Variants in CELSR1 observed in about 807,000 individuals in gnomAD.
CELSR1 encodes adhesion G protein-coupled receptor C1.
A neutral mutation model predicts 249.1 loss-of-function variants in CELSR1; 110 were observed. The observed-to-expected ratio is 0.44, with a 90% CI of 0.38 to 0.52. The LOEUF (loss-of-function observed/expected upper bound fraction) is 0.52. CELSR1 is among the 20% of genes least tolerant of loss of function. CELSR1 has a pLI of 0.00. For missense variants in CELSR1, 4,109 were observed against 4,296.4 expected (o/e 0.96, Z 1.22); for synonymous variants, 2,113 against 1,900.0 (o/e 1.11, Z -2.92).
chr22:46,451,039 C>T (rs2079877684), intron 2 of CELSR1, among the ~76,000 whole-genome samples: 1 of 152,212 alleles, frequency 6.6e-6, no homozygotes, highest in Non-Finnish European at 1.5e-5. Context: ...TTCACCCCTC[C>T]ATGCCCCACT....
chr22:46,535,308 A>T lies in CELSR1; in HGVS notation c.1863T>A (p.Asn621Lys), dbSNP rs749308632. The change falls in exon 1 of 35, where the codon AAT becomes AAA. Residue 621 changes from asparagine to lysine, a missense_variant. Asn to Lys is a moderately conservative substitution (Grantham distance 94). Transcript: ENST00000674500. ...AGGGGAAGTCAGGGGTGGGGGCAGG[A>T]TTCTTAGGCCCAGCGCTGCCGCCCC... Reference protein sequence around the residue: ...FLGGGSAGPKNPAPTPDFPFQ... With the variant: ...FLGGGSAGPKKPAPTPDFPFQ... 5.6e-6 allele frequency: 9 copies of T among 1,611,634 alleles called. No individual in the cohort carries two copies. The African/African-American group carries it at 1.2e-4, about 22-fold the overall frequency.
chr22:46,404,948 C>T (rs8137814), intron 9 of CELSR1, among the ~76,000 whole-genome samples: 3,650 of 151,888 alleles, frequency 0.024, 137 homozygotes, highest in African/African-American at 0.083. Context: ...CCTTAGCCTC[C>T]GGAGTAGCTG....
chr22:46,425,749 A>T (rs1484584710), intron 5 of CELSR1, among the ~76,000 whole-genome samples: 1 of 151,582 alleles, frequency 6.6e-6, no homozygotes, highest in Non-Finnish European at 1.5e-5. Flanking sequence ...GATTTTCTCT[A>T]TTGTTTTGCT....
Position 46,390,592 on chromosome 22 carries a change from G to T in CELSR1, c.6251-106C>A. Reference sequence around the variant, plus strand: ...TATACTTAAACCCAGAACACTGCGTGGTGGTTAGAACCCCATGGGGGCCAG... The same window carrying T: ...TATACTTAAACCCAGAACACTGCGTTGTGGTTAGAACCCCATGGGGGCCAG... On this transcript the variant is annotated intron_variant, in intron 16 of 34. Coordinates refer to ENST00000674500, the MANE Select transcript of CELSR1 (RefSeq NM_001378328.1). The surrounding 1 kb of genome is among the most constrained non-coding windows in gnomAD (Gnocchi z 6.3). The T allele has an allele frequency of 1.1e-6, 1 of 934,310 alleles. No individual in the cohort carries two copies. The highest frequency in any genetic ancestry group is 1.6e-6 in the Non-Finnish European group (1 of 611,178). The allele number at this position is 934,310 out of a possible 1,614,324, so 57.9% of individuals were successfully genotyped here.
At chr22:46,443,997 C>G (rs73177086) in intron 2 of CELSR1, among the ~76,000 whole-genome samples, 1 of 152,226 alleles carries the variant, frequency 6.6e-6, no homozygotes, top group South Asian at 2.1e-4. Flanking sequence ...CACCCAACCT[C>G]GACGGCAAAC....
rs1372518975 is a variant in CELSR1 at position 46,537,616 on chromosome 22, C to G, written c.-446G>C. On this transcript the variant is annotated 5_prime_UTR_variant, in exon 1 of 35. Transcript: ENST00000674500. The surrounding 1 kb of genome is among the most constrained non-coding windows in gnomAD (Gnocchi z 5.8). Reference sequence around the variant, plus strand: ...GCGGCCGGCTGCTGCCTGGGCGGTGCGCTTGGCCCGCGCCCACTCCGCCCG... The same window carrying G: ...GCGGCCGGCTGCTGCCTGGGCGGTGGGCTTGGCCCGCGCCCACTCCGCCCG... Among the ~76,000 whole-genome samples the G allele has an allele frequency of 6.8e-6, 1 of 148,136 alleles. No homozygotes were observed. Among genetic ancestry groups the G allele is most frequent in the Admixed American group, 6.7e-5 (1 of 14,928 alleles).
At position 46,484,297 on chromosome 22, in the gene CELSR1, G is replaced by T. The variant is rs1320842588; in HGVS notation, c.3545-19952C>A. On this transcript the variant is annotated intron_variant, in intron 1 of 34. Transcript: ENST00000674500. The surrounding 1 kb of genome is among the most constrained non-coding windows in gnomAD (Gnocchi z 4.5). ...CAAGACCGCTGGGAGGGTCCTGCAG[G>T]GGACAGAGTCCCTCCTTCCACCAGC... is the stretch of plus-strand genomic sequence containing the variant. Among the ~76,000 whole-genome samples the T allele has an allele frequency of 6.6e-6, 1 of 152,080 alleles. No individual in the cohort carries two copies. The highest frequency in any genetic ancestry group is 1.5e-5 in the Non-Finnish European group (1 of 68,014).
At position 46,406,492 on chromosome 22, in the gene CELSR1, T is replaced by C. The variant is rs1056438340; in HGVS notation, c.5226+2504A>G. Among the ~76,000 whole-genome samples, 6 of 152,278 alleles carry C rather than the reference T, an allele frequency of 3.9e-5. No individual in the cohort carries two copies. The highest frequency in any genetic ancestry group is 1.4e-4 in the African/African-American group (6 of 41,568). On this transcript the variant is annotated intron_variant, in intron 9 of 34. Transcript: ENST00000674500. This position sits in a 1 kb window ranked among gnomAD's most constrained non-coding sequence, Gnocchi z 5.4. ...GACCCATCTCCTGAGCCCTCGCTGA[T>C]CTGCTGAGGGACTGACCTCCACCAG...
At chr22:46,394,436 C>T (rs750108889) in intron 13 of CELSR1, among the ~76,000 whole-genome samples, 174 bp from the exon 14 acceptor site, 139 of 152,322 alleles carry the variant, frequency 9.1e-4, no homozygotes, top group Non-Finnish European at 3.5e-4. Context: ...CGGCTCCCAA[C>T]CTCACCCCCC....
intron 1 of CELSR1, among the ~76,000 whole-genome samples, chr22:46,509,063 G>A (rs1287961956): frequency 2.0e-5 from 3 of 152,154 alleles, no homozygotes; most frequent in East Asian, 1.9e-4. Context: ...ATCATCACAC[G>A]ACACCTCCTA....
rs9626872 is a variant in CELSR1, at chr22:46,437,843, G to T, written c.4406+1346C>A. Reference sequence around the variant, plus strand: ...AAGAAATGACGACAAACACAAAGAAGAATACCCACACAGCACACTGATGCT... The same window carrying T: ...AAGAAATGACGACAAACACAAAGAATAATACCCACACAGCACACTGATGCT... On this transcript the variant is annotated intron_variant, in intron 3 of 34. Coordinates refer to ENST00000674500, the MANE Select transcript of CELSR1 (RefSeq NM_001378328.1). The surrounding 1 kb of genome is among the most constrained non-coding windows in gnomAD (Gnocchi z 4.9). Among the ~76,000 whole-genome samples the T allele has an allele frequency of 5.3e-5, 8 of 151,946 alleles. No individual in the cohort carries two copies. The highest frequency in any genetic ancestry group is 1.9e-4 in the African/African-American group (8 of 41,286).
rs755642751 is a variant in CELSR1 at position 46,397,676 on chromosome 22, T to C, written c.5699A>G (p.Lys1900Arg). The change falls in exon 12 of 35, where the codon AAA becomes AGA. Residue 1900 changes from lysine to arginine, a missense_variant and splice_region_variant. This residue lies in a region of CELSR1 where 1,805 missense variants were observed against 1,831.6 expected (regional missense o/e 0.99). Coordinates refer to ENST00000674500, the MANE Select transcript of CELSR1 (RefSeq NM_001378328.1). ...AWEDYSCVCD[K>R]GYLGINCVDA... Reference sequence around the variant, plus strand: ...GGGCCCCGGGAGGGCGGTCCCACCTTTGTCACAGACGCAGCTGTAGTCCTC... The same window carrying C: ...GGGCCCCGGGAGGGCGGTCCCACCTCTGTCACAGACGCAGCTGTAGTCCTC... 1 of 1,503,936 alleles carries C rather than the reference T, an allele frequency of 6.6e-7. No homozygotes were observed. Among genetic ancestry groups the C allele is most frequent in the South Asian group, 1.3e-5 (1 of 77,560 alleles). 93.2% of individuals were successfully genotyped at this position (1,503,936 alleles called of 1,614,324 possible).
intron 2 of CELSR1, among the ~76,000 whole-genome samples, chr22:46,451,406 A>T (rs914683073): frequency 1.3e-5 from 2 of 152,246 alleles, no homozygotes; most frequent in Non-Finnish European, 2.9e-5. Context: ...CATTTAAAAA[A>T]ATAAGAAATG....
At chr22:46,365,530 C>G in intron 31 of CELSR1, 56 bp downstream of exon 31, 1 of 1,544,088 alleles carries the variant, frequency 6.5e-7, no homozygotes, top group Non-Finnish European at 8.8e-7. Context: ...GTCCAGTGAC[C>G]GAAGGGACGT....
At position 46,440,001 on chromosome 22, in the gene CELSR1, G is replaced by A. The variant is rs772716680; in HGVS notation, c.4184-590C>T. Among the ~76,000 whole-genome samples, 17 of 151,172 alleles carry A rather than the reference G, an allele frequency of 1.1e-4. No homozygotes were observed. Among genetic ancestry groups the A allele is most frequent in the East Asian group, 3.9e-4 (2 of 5,072 alleles). ...TTCCAACCCGGTTCTAATCTGGCCC[G>A]TCTCGCCCACCAGCCTGTGAGCTCC... On this transcript the variant is annotated intron_variant, in intron 2 of 34. Coordinates refer to ENST00000674500, the MANE Select transcript of CELSR1 (RefSeq NM_001378328.1). The surrounding 1 kb of genome is among the most constrained non-coding windows in gnomAD (Gnocchi z 4.7).
rs1025868552 is a variant in CELSR1 at position 46,396,091 on chromosome 22, G to A, written c.5843+514C>T. 1.3e-5 allele frequency among the ~76,000 whole-genome samples: 2 copies of A among 152,180 alleles called. No individual in the cohort carries two copies. Among genetic ancestry groups the A allele is most frequent in the Non-Finnish European group, 2.9e-5 (2 of 68,034 alleles). ...TCAGGTGTGGACACATGATCCAATG[G>A]GGTTAGTTTGAGACGTCCAAATTGA... On this transcript the variant is annotated intron_variant, in intron 13 of 34. Transcript: ENST00000674500. The surrounding 1 kb of genome is among the most constrained non-coding windows in gnomAD (Gnocchi z 6.4).
At position 46,377,257 on chromosome 22, in the gene CELSR1, C is replaced by T; in HGVS notation, c.7388G>A (p.Gly2463Glu). The T allele has an allele frequency of 6.2e-7, 1 of 1,613,820 alleles. No homozygotes were observed. The highest frequency in any genetic ancestry group is 8.5e-7 in the Non-Finnish European group (1 of 1,179,974). ...VLMDISRRENGEVLPLKIVTY... is the reference protein window; with the variant it reads ...VLMDISRRENEEVLPLKIVTY... Reference sequence around the variant, plus strand: ...GACAATCTTCAGAGGCAGGACCTCCCCGTTCTATGGGCAGGAGGGTTAAAG... The same window carrying T: ...GACAATCTTCAGAGGCAGGACCTCCTCGTTCTATGGGCAGGAGGGTTAAAG... Residue 2463 changes from glycine (G) to glutamate (E), a missense_variant, in exon 24 of 35, where the codon GGG becomes GAG. Transcript: ENST00000674500.
rs1313797564 is a variant in CELSR1, at chr22:46,535,844, C to A, written c.1327G>T (p.Ala443Ser). The A allele has an allele frequency of 6.2e-7, 1 of 1,611,596 alleles. No homozygotes were observed. Among genetic ancestry groups the A allele is most frequent in the African/African-American group, 1.3e-5 (1 of 74,922 alleles). ...TCCTCCACCTCGATGTACACGGTGG[C>A]CGTGGCACTGAGCGGGCCCGGATTG... is the stretch of plus-strand genomic sequence containing the variant. Reference protein sequence around the residue: ...GRNPGPLSATATVYIEVEDEN... With the variant: ...GRNPGPLSATSTVYIEVEDEN... Residue 443 changes from alanine to serine, a missense_variant, in exon 1 of 35, where the codon GCC becomes TCC. Physicochemically the swap from Ala to Ser is moderately conservative, Grantham distance 99 (BLOSUM62 1). This residue lies in a region of CELSR1 where 135 missense variants were observed against 190.0 expected (regional missense o/e 0.71). Transcript: ENST00000674500.
intron 1 of CELSR1, among the ~76,000 whole-genome samples, chr22:46,505,712 T>C (rs566686508): frequency 6.6e-5 from 10 of 152,282 alleles, no homozygotes; most frequent in African/African-American, 2.4e-4. Context: ...AGAAATGGTG[T>C]ATATGTTTAT....
Sources: gnomAD v4.1 joint callset for allele counts (sites outside exome capture counted in the v4.1 genomes callset) on GRCh38, gnomAD v4.1.1 for gene constraint, gnomAD v4.1.1 regional missense constraint, Gnocchi (gnomAD v3.1) non-coding constraint, MANE v1.5 for transcripts, NCBI Gene and HGNC (gene_info 2026-07-23, HGNC 2026-07-21) for gene names.